CFHR2: variants seen among roughly 807,000 people sequenced by gnomAD.
CFHR2 encodes the protein complement factor H-related protein 2.
Under a neutral mutation model 21.7 loss-of-function variants are expected in CFHR2, and 22 were observed. That is an observed-to-expected ratio of 1.01 (90% CI 0.72 to 1.45). CFHR2 has a LOEUF of 1.45. CFHR2 is among the 40% of genes most tolerant of loss of function. CFHR2 has a pLI of 0.00. For synonymous variants in CFHR2, 98 were observed against 97.4 expected (o/e 1.01, Z -0.04); for missense variants, 294 against 293.3 (o/e 1.00, Z -0.02).
Position 196,956,286 on chromosome 1 carries a change from G to C in CFHR2, c.431-1605G>C, listed in dbSNP as rs140194010. ...AGTCTTCTGATATCATTCCCTTCTTGTATTTTTGATAGATTTGGAATAGTT... is the reference window on the plus strand; with the variant it reads ...AGTCTTCTGATATCATTCCCTTCTTCTATTTTTGATAGATTTGGAATAGTT... On this transcript the variant is annotated intron_variant, in intron 3 of 4. Transcript: ENST00000367415. Among the ~76,000 whole-genome samples, 1,014 of 152,214 alleles carry C rather than the reference G, an allele frequency of 6.7e-3. 13 individuals are homozygous for C. Among genetic ancestry groups the C allele is most frequent in the African/African-American group, 0.023 (973 of 41,526 alleles).
rs576410752 is a variant in CFHR2 at position 196,947,530 on chromosome 1, A to G, written c.59-1925A>G. Among the ~76,000 whole-genome samples, 4 of 152,316 alleles carry G rather than the reference A, an allele frequency of 2.6e-5. No individual in the cohort carries two copies. In the South Asian group the frequency reaches 6.2e-4, roughly 24 times the overall value. ...CCTTTACCAAAACTATCTAATGTCA[A>G]ATTTTAAACAGTTAGATAATCAGTT... On this transcript the variant is annotated intron_variant, in intron 1 of 4. Coordinates refer to ENST00000367415, the MANE Select transcript of CFHR2 (RefSeq NM_005666.4).
intron 1 of CFHR2, among the ~76,000 whole-genome samples, chr1:196,947,118 T>C (rs898777963): frequency 6.7e-6 from 1 of 149,844 alleles, no homozygotes; most frequent in Non-Finnish European, 1.5e-5. Flanking sequence ...TCTGTACAAC[T>C]GTATATATGT....
intron 3 of CFHR2, among the ~76,000 whole-genome samples, chr1:196,952,385 A>G (rs1251147685): frequency 2.7e-5 from 4 of 147,676 alleles, no homozygotes; most frequent in East Asian, 1.9e-4. Flanking sequence ...AGGGGATTAA[A>G]CATTATTAAT....
intron 3 of CFHR2, among the ~76,000 whole-genome samples, chr1:196,955,769 C>T (rs1652850502): frequency 6.6e-6 from 1 of 152,038 alleles, no homozygotes; most frequent in African/African-American, 2.4e-5. Flanking sequence ...ATCACTTGAG[C>T]TGGGGAAGCA....
intron 1 of CFHR2, among the ~76,000 whole-genome samples, chr1:196,945,060 G>A (rs1659426542): frequency 6.9e-6 from 1 of 145,450 alleles, no homozygotes; most frequent in African/African-American, 2.5e-5. Flanking sequence ...ATTTTTAGTA[G>A]AGATGGGGTT....
chr1:196,947,773 T>C (rs982982113), intron 1 of CFHR2, among the ~76,000 whole-genome samples: 1 of 152,152 alleles, frequency 6.6e-6, no homozygotes, highest in African/African-American at 2.4e-5. Flanking sequence ...AGGAACTATC[T>C]TGAGCTAAAT....
rs1417242695 is a variant in CFHR2, at chr1:196,959,431, G to T, written c.*351G>T. 6.6e-6 allele frequency among the ~76,000 whole-genome samples: 1 copy of T among 151,424 alleles called. No individual in the cohort carries two copies. Among genetic ancestry groups the T allele is most frequent in the Non-Finnish European group, 1.5e-5 (1 of 67,822 alleles). ...ATCTCAAACATTTTTCATTTCTTTG[G>T]GTTAGGAGCATTAAATATTCTCCTT... On this transcript the variant is annotated 3_prime_UTR_variant, in exon 5 of 5. Coordinates refer to ENST00000367415, the MANE Select transcript of CFHR2 (RefSeq NM_005666.4).
At position 196,950,874 on chromosome 1, in the gene CFHR2, G is replaced by A. The variant is rs751939647; in HGVS notation, c.276G>A (p.Val92=). The part of the protein sequence containing the change: ...KCLRLCFFPF[V]ENGHSESSGQ... ...TAGGACTGTGTTTCTTTCCTTTTGT[G>A]GAAAATGGTCATTCTGAATCTTCAG... is the stretch of plus-strand genomic sequence containing the variant. Residue 92 remains valine (V), a synonymous_variant, in exon 3 of 5, where the codon GTG becomes GTA. Coordinates refer to ENST00000367415, the MANE Select transcript of CFHR2 (RefSeq NM_005666.4). The A allele has an allele frequency of 1.9e-6, 3 of 1,613,488 alleles. No individual in the cohort carries two copies. The highest frequency in any genetic ancestry group is 1.7e-6 in the Non-Finnish European group (2 of 1,179,836).
chr1:196,951,837 C>T (rs1659738925), intron 3 of CFHR2, among the ~76,000 whole-genome samples: 3 of 152,136 alleles, frequency 2.0e-5, no homozygotes, highest in Non-Finnish European at 4.4e-5. Flanking sequence ...GGTTCTCCCT[C>T]ACAGCACAGA....
chr1:196,946,357 G>A (rs1373694404), intron 1 of CFHR2, among the ~76,000 whole-genome samples: 1 of 152,082 alleles, frequency 6.6e-6, no homozygotes, highest in Non-Finnish European at 1.5e-5. Context: ...ACCCAGGATA[G>A]ACTAAATTTA....
intron 3 of CFHR2, among the ~76,000 whole-genome samples, chr1:196,952,136 C>A (rs1208429630): frequency 1.3e-5 from 2 of 152,088 alleles, no homozygotes; most frequent in African/African-American, 4.8e-5. Context: ...TAGAGCAGGG[C>A]ACAGTGGTGT....
At chr1:196,958,372 C>T (rs1244997767) in intron 4 of CFHR2, among the ~76,000 whole-genome samples, 2 of 151,328 alleles carry the variant, frequency 1.3e-5, no homozygotes, top group Non-Finnish European at 3.0e-5. Context: ...TCATCACCAC[C>T]TATGGTTACC....
chr1:196,958,800 A>T (rs1354834191), intron 4 of CFHR2, 81 bp from the exon 5 acceptor site: 2 of 876,100 alleles, frequency 2.3e-6, no homozygotes, highest in East Asian at 2.6e-5. Context: ...CAACCATCAT[A>T]TAACATTCTA....
At chr1:196,951,057 T>C in intron 3 of CFHR2, 29 bp downstream of exon 3, 1 of 1,611,728 alleles carries the variant, frequency 6.2e-7, no homozygotes, top group Non-Finnish European at 8.5e-7. Flanking sequence ...TCTCAGATGC[T>C]GTTATATTAT....
rs777080834 is a variant in CFHR2 at position 196,958,952 on chromosome 1, C to T, written c.685C>T (p.Leu229Phe). ...ATTAAAGTGGACAAACCAACAAAAG[C>T]TTTATTCAAGAACAGGTGACATAGT... ...IKLKWTNQQK[L>F]YSRTGDIVEF... The change falls in exon 5 of 5, where the codon CTT becomes TTT. Residue 229 changes from leucine (L) to phenylalanine (F), a missense_variant. Coordinates refer to ENST00000367415, the MANE Select transcript of CFHR2 (RefSeq NM_005666.4). 8.7e-6 allele frequency: 14 copies of T among 1,606,592 alleles called. No homozygotes were observed. The highest frequency in any genetic ancestry group is 1.2e-5 in the Non-Finnish European group (14 of 1,173,972).
chr1:196,958,443 A>T (rs1470551580), intron 4 of CFHR2, among the ~76,000 whole-genome samples: 2 of 150,532 alleles, frequency 1.3e-5, no homozygotes, highest in South Asian at 4.2e-4. Context: ...AGAGATGAGG[A>T]CTCTTAAAAT....
intron 3 of CFHR2, among the ~76,000 whole-genome samples, chr1:196,952,152 T>C (rs1329929063): frequency 3.3e-5 from 5 of 152,188 alleles, no homozygotes; most frequent in Non-Finnish European, 5.9e-5. Context: ...GGTGTGTGCC[T>C]CTAGTCTCAG....
Position 196,957,923 on chromosome 1 carries a change from A to T in CFHR2, c.463A>T (p.Ile155Phe). The change falls in exon 4 of 5, where the codon ATT (isoleucine) becomes TTT (phenylalanine). Residue 155 changes from isoleucine (I) to phenylalanine (F), a missense_variant. Physicochemically the swap from Ile to Phe is conservative, Grantham distance 21. Coordinates refer to ENST00000367415, the MANE Select transcript of CFHR2 (RefSeq NM_005666.4). Reference sequence around the variant, plus strand: ...AGAAAAATGTGGGCCCCCTCCACCTATTGACAATGGAGACATTACTTCATT... The same window carrying T: ...AGAAAAATGTGGGCCCCCTCCACCTTTTGACAATGGAGACATTACTTCATT... ...SAEKCGPPPPIDNGDITSFLL... is the reference protein window; with the variant it reads ...SAEKCGPPPPFDNGDITSFLL... 2 of 1,613,208 alleles carry T rather than the reference A, an allele frequency of 1.2e-6. No homozygotes were observed. Among genetic ancestry groups the T allele is most frequent in the Non-Finnish European group, 1.7e-6 (2 of 1,179,408 alleles).
chr1:196,953,082 G>A (rs983034810), intron 3 of CFHR2, among the ~76,000 whole-genome samples: 1 of 152,130 alleles, frequency 6.6e-6, no homozygotes, highest in Non-Finnish European at 1.5e-5. Context: ...AATGATAGCT[G>A]CACAGTCTGT....
Sources: gnomAD v4.1 joint callset for allele counts (sites outside exome capture counted in the v4.1 genomes callset) on GRCh38, gnomAD v4.1.1 for gene constraint, MANE v1.5 for transcripts, NCBI Gene and HGNC (gene_info 2026-07-23, HGNC 2026-07-21) for gene names.